MMP26: variants seen among roughly 807,000 people sequenced by gnomAD.
The protein encoded by MMP26 is matrix metalloproteinase-26.
In MMP26, 33 loss-of-function variants were observed where a neutral mutation model predicts 31.0. That is an observed-to-expected ratio of 1.06 (90% CI 0.81 to 1.42). MMP26 has a LOEUF of 1.42. Among genes scored for constraint, MMP26 ranks in the 40% most tolerant of loss-of-function variants. The probability of loss-of-function intolerance (pLI) is 0.00; values close to 1 mark genes in which losing one functional copy is unlikely to be tolerated. For missense variants in MMP26, 347 were observed against 316.1 expected (o/e 1.10, Z -0.74); for synonymous variants, 122 against 114.9 (o/e 1.06, Z -0.40).
At chr11:4,821,837 C>A (rs774867516) in intron 2 of MMP26, 1 of 1,613,244 alleles carries the variant, frequency 6.2e-7, no homozygotes, top group Non-Finnish European at 8.5e-7. Flanking sequence ...ACCATCCTTA[C>A]CAATGCCCGA....
At chr11:4,946,321 G>A (rs764202521) in intron 2 of MMP26, 28 of 1,613,748 alleles carry the variant, frequency 1.7e-5, no homozygotes, top group Non-Finnish European at 2.0e-5. Context: ...GGTGGACAAC[G>A]GCCAGGTTGA....
chr11:4,882,945 A>G (rs1313618710), intron 2 of MMP26: 1 of 1,346,304 alleles, frequency 7.4e-7, no homozygotes, highest in Non-Finnish European at 1.0e-6. Flanking sequence ...GGGCAGTCTT[A>G]TCCACAGGTG....
At chr11:4,710,177 C>T (rs1445316754) in intron 1 of MMP26, 2 of 456,644 alleles carry the variant, frequency 4.4e-6, no homozygotes, top group Non-Finnish European at 8.8e-6. Context: ...TTGGCCTGGC[C>T]ATTGTTATCT....
rs1276052026 is a variant in MMP26 at position 4,989,702 on chromosome 11, G to T, written c.154G>T (p.Glu52Ter). ...GAAGGAGTCGCCACTCCTTACCCAG[G>T]AGACACAAACACAGCTCCTGCAACA... Reference protein sequence around the residue: ...TKKESPLLTQETQTQLLQQFH... With the variant: ...TKKESPLLTQ Residue 52 changes from glutamate to a stop codon, truncating the protein, a stop_gained, in exon 4 of 8, where the codon GAG becomes TAG. Coordinates refer to ENST00000380390, the MANE Select transcript of MMP26 (RefSeq NM_021801.5). LOFTEE classifies it high-confidence loss of function. 7 of 1,613,660 alleles carry T rather than the reference G, an allele frequency of 4.3e-6. No homozygotes were observed. Among genetic ancestry groups the T allele is most frequent in the Admixed American group, 3.3e-5 (2 of 59,994 alleles).
At chr11:4,931,093 G>A (rs184368964) in intron 2 of MMP26, among the ~76,000 whole-genome samples, 1 of 152,062 alleles carries the variant, frequency 6.6e-6, no homozygotes, top group African/African-American at 2.4e-5. Context: ...GAGAGAGAGA[G>A]ACAGAGAATA....
chr11:4,815,022 T>C (rs182369696), intron 2 of MMP26, among the ~76,000 whole-genome samples: 82 of 152,242 alleles, frequency 5.4e-4, no homozygotes, highest in Non-Finnish European at 1.9e-4. Flanking sequence ...GTTTAAGATA[T>C]ACATTTTTTT....
intron 2 of MMP26, chr11:4,914,914 G>A: frequency 6.2e-7 from 1 of 1,614,142 alleles, no homozygotes; most frequent in South Asian, 1.1e-5. Context: ...GCACAGCACA[G>A]ATGTGGGAAA....
At chr11:4,900,467 GA>G (rs1464517408) in intron 2 of MMP26, among the ~76,000 whole-genome samples, 1 of 152,138 alleles carries the variant, frequency 6.6e-6, no homozygotes, top group African/African-American at 2.4e-5. Flanking sequence ...TTAGTAGAAA[GA>G]GAAGTTTTAT....
intron 1 of MMP26, among the ~76,000 whole-genome samples, chr11:4,713,568 G>A (rs1354885831): frequency 1.3e-5 from 2 of 152,018 alleles, no homozygotes; most frequent in Admixed American, 1.3e-4. Flanking sequence ...AAGGAGCTCT[G>A]GAGGGAAAAG....
chr11:4,715,540 T>G (rs1177250119), intron 1 of MMP26, among the ~76,000 whole-genome samples: 19 of 152,144 alleles, frequency 1.2e-4, no homozygotes, highest in Admixed American at 1.2e-3. Context: ...AGCACATTAG[T>G]GTGAAAGAAC....
At chr11:4,843,979 C>A (rs867677262) in intron 2 of MMP26, among the ~76,000 whole-genome samples, 8 of 151,954 alleles carry the variant, frequency 5.3e-5, no homozygotes, top group Middle Eastern at 3.4e-3. Flanking sequence ...ATCAATAAAA[C>A]AAAAAGGTTT....
intron 2 of MMP26, among the ~76,000 whole-genome samples, chr11:4,836,001 T>G (rs1471746112): frequency 2.0e-5 from 3 of 152,032 alleles, no homozygotes; most frequent in South Asian, 2.1e-4. Context: ...ATAAATATAT[T>G]TAACTTAAGC....
At chr11:4,844,281 C>A (rs1459366913) in intron 2 of MMP26, among the ~76,000 whole-genome samples, 2 of 152,062 alleles carry the variant, frequency 1.3e-5, no homozygotes, top group Non-Finnish European at 2.9e-5. Context: ...CAATGAAAAG[C>A]CTTCCCATAA....
At chr11:4,890,475 A>T (rs1302156353) in intron 2 of MMP26, 1 of 154,602 alleles carries the variant, frequency 6.5e-6, no homozygotes, top group Non-Finnish European at 1.5e-5. Flanking sequence ...ATTGCCTAGG[A>T]TGGCTACCAA....
intron 2 of MMP26, among the ~76,000 whole-genome samples, chr11:4,776,995 T>G (rs190088070): frequency 6.6e-6 from 1 of 152,302 alleles, no homozygotes; most frequent in Admixed American, 6.5e-5. Flanking sequence ...CCAGTTGAAT[T>G]ACCCTTGGAC....
Position 4,769,156 on chromosome 11 carries a change from G to A in MMP26, c.-145+1815G>A, listed in dbSNP as rs142202588. 136 of 1,613,642 alleles carry A rather than the reference G, an allele frequency of 8.4e-5. No individual in the cohort carries two copies. The African/African-American group carries it at 1.5e-3, about 18-fold the overall frequency. ...CCAAGGACAGGCTCAGCATGTGGAT[G>A]TAGAAGAAAGCAACTGCTCCCACAT... On this transcript the variant is annotated intron_variant, in intron 2 of 7. Transcript: ENST00000380390.
chr11:4,990,760 A>T lies in MMP26; in HGVS notation c.469+14A>T. ...TCTGGCAGTGGGGTAAGAAATTGACATGGGAAGAAGGATATGTATATGCCC... is the reference window on the plus strand; with the variant it reads ...TCTGGCAGTGGGGTAAGAAATTGACTTGGGAAGAAGGATATGTATATGCCC... On this transcript the variant is annotated intron_variant, in intron 5 of 7. Transcript: ENST00000380390. 6.2e-7 allele frequency: 1 copy of T among 1,613,880 alleles called. No homozygotes were observed. Among genetic ancestry groups the T allele is most frequent in the South Asian group, 1.1e-5 (1 of 91,070 alleles).
At chr11:4,846,406 G>A (rs1388613626) in intron 2 of MMP26, among the ~76,000 whole-genome samples, 1 of 152,136 alleles carries the variant, frequency 6.6e-6, no homozygotes, top group Admixed American at 6.6e-5. Context: ...GGCTGGGAAG[G>A]GTAGTGGGAA....
At chr11:4,803,634 A>G (rs753472656) in intron 2 of MMP26, 2 of 1,613,886 alleles carry the variant, frequency 1.2e-6, no homozygotes, top group Non-Finnish European at 1.7e-6. Context: ...CCAAGATGAC[A>G]CAGATATGGG....
Sources: gnomAD v4.1 joint callset for allele counts (sites outside exome capture counted in the v4.1 genomes callset) on GRCh38, gnomAD v4.1.1 for gene constraint, MANE v1.5 for transcripts, NCBI Gene and HGNC (gene_info 2026-07-23, HGNC 2026-07-21) for gene names.